MEF2C: variants seen among roughly 807,000 people sequenced by gnomAD.
MEF2C encodes the protein myocyte-specific enhancer factor 2C.
A neutral mutation model predicts 50.5 loss-of-function variants in MEF2C; 6 were observed. The ratio of observed to expected loss-of-function variants is 0.12; its 90% CI spans 0.07 to 0.23. The LOEUF (loss-of-function observed/expected upper bound fraction) is 0.23, where lower values mean the gene tolerates loss of function less well. MEF2C is among the 10% of genes least tolerant of loss of function. The pLI, the probability that MEF2C is intolerant of heterozygous loss-of-function variation, is 1.00. For missense variants in MEF2C, 276 were observed against 605.0 expected, an observed-to-expected ratio of 0.46 and a Z score of 5.70; for synonymous variants, 183 against 228.0, an observed-to-expected ratio of 0.80 and a Z score of 1.78.
intron 6 of MEF2C, chr5:88,737,571 T>C (rs1223663987): frequency 7.1e-6 from 7 of 985,282 alleles, no homozygotes; most frequent in African/African-American, 1.7e-5. Flanking sequence ...ACAGAACTTT[T>C]CACCAAAAGA....
chr5:88,897,865 T>C (rs1835274375), intron 1 of MEF2C, among the ~76,000 whole-genome samples: 1 of 152,152 alleles, frequency 6.6e-6, no homozygotes, highest in Non-Finnish European at 1.5e-5. Context: ...CTTGTGAGGA[T>C]GTTAACAGTC....
intron 1 of MEF2C, among the ~76,000 whole-genome samples, chr5:88,881,732 T>G (rs1050981243): frequency 6.6e-6 from 1 of 151,778 alleles, no homozygotes; most frequent in African/African-American, 2.4e-5. Context: ...GTCGCTTTTT[T>G]TTTTTTTGGA....
At chr5:88,852,403 G>T (rs1821701153) in intron 1 of MEF2C, among the ~76,000 whole-genome samples, 1 of 152,178 alleles carries the variant, frequency 6.6e-6, no homozygotes, top group Admixed American at 6.5e-5. Context: ...GCCCAAAAAA[G>T]ACCATTCAGA....
At chr5:88,811,107 T>C (rs1490792012) in intron 2 of MEF2C, among the ~76,000 whole-genome samples, 1 of 152,080 alleles carries the variant, frequency 6.6e-6, no homozygotes, top group Admixed American at 6.5e-5. Flanking sequence ...TATTCAGTTC[T>C]GAGGGTGACA....
At position 88,761,110 on chromosome 5, in the gene MEF2C, C is replaced by A. The variant is rs997329230; in HGVS notation, c.402+75G>T. The A allele has an allele frequency of 7.4e-6, 12 of 1,613,808 alleles. No homozygotes were observed. The highest frequency in any genetic ancestry group is 1.7e-5 in the Admixed American group (1 of 59,994). On this transcript the variant is annotated intron_variant, in intron 4 of 10. Transcript: ENST00000504921. The stretch of plus-strand genomic sequence containing the variant: ...TCGGGGCTTTCACAGCCTTTGTTTT[C>A]TTTCTTGTTCAATGCCTGCCAGGTT...
intron 1 of MEF2C, among the ~76,000 whole-genome samples, chr5:88,865,437 C>T (rs758779304): frequency 3.3e-5 from 5 of 152,078 alleles, no homozygotes; most frequent in African/African-American, 4.8e-5. Flanking sequence ...TTAGCTACAT[C>T]GCAATCTTCT....
At chr5:88,885,273 G>C (rs144606386), upstream of MEF2C, among the ~76,000 whole-genome samples, 365 of 152,224 alleles carry the variant, frequency 2.4e-3, 1 homozygote, top group African/African-American at 8.4e-3. Context: ...CAGAAGAGTG[G>C]CCTCAACATT....
intron 2 of MEF2C, among the ~76,000 whole-genome samples, chr5:88,820,703 G>A (rs1452998372): frequency 2.0e-5 from 3 of 151,978 alleles, no homozygotes; most frequent in African/African-American, 7.2e-5. Flanking sequence ...AGAGGGCAAA[G>A]CATTTTTCTT....
At chr5:88,753,688 G>GCCCAAT (rs1773912303) in intron 4 of MEF2C, among the ~76,000 whole-genome samples, 1 of 152,150 alleles carries the variant, frequency 6.6e-6, no homozygotes, top group South Asian at 2.1e-4. Flanking sequence ...ACCACATCTG[G>GCCCAAT]CCCAATCTGT....
chr5:88,749,376 C>T, intron 5 of MEF2C: 4 of 984,954 alleles, frequency 4.1e-6, no homozygotes, highest in Non-Finnish European at 4.8e-6. Flanking sequence ...TTGGTCTCTG[C>T]ATTTTTATTA....
chr5:88,799,899 CACACACACACACACAG>C (rs1482503615), intron 3 of MEF2C, among the ~76,000 whole-genome samples: 2 of 94,044 alleles, frequency 2.1e-5, no homozygotes, highest in Admixed American at 9.4e-5. Flanking sequence ...CACACACACA[CACACACACACACACAG>C]AGAGAGAGAC....
intron 6 of MEF2C, chr5:88,733,203 T>C (rs1762429227): frequency 1.0e-6 from 1 of 984,976 alleles, no homozygotes; most frequent in South Asian, 4.7e-5. Flanking sequence ...AGAAAGGCCA[T>C]AGGAAGATAT....
intron 1 of MEF2C, among the ~76,000 whole-genome samples, chr5:88,900,065 C>A (rs1835488209): frequency 6.6e-6 from 1 of 151,880 alleles, no homozygotes; most frequent in South Asian, 2.1e-4. Context: ...TTCCAAAGCC[C>A]AGGACTAAAA....
At chr5:88,806,789 C>A (rs545049662) in intron 2 of MEF2C, among the ~76,000 whole-genome samples, 1 of 149,710 alleles carries the variant, frequency 6.7e-6, no homozygotes, top group South Asian at 2.1e-4. Flanking sequence ...ATAAAAAATA[C>A]AAAACTGTTT....
intron 3 of MEF2C, among the ~76,000 whole-genome samples, chr5:88,764,455 CAGACT>C (rs1779103110): frequency 6.6e-6 from 1 of 152,092 alleles, no homozygotes; most frequent in Non-Finnish European, 1.5e-5. Flanking sequence ...GTGATGAGTG[CAGACT>C]AGATCTCTCT....
chr5:88,776,647 G>A (rs1001778700), intron 3 of MEF2C, among the ~76,000 whole-genome samples: 1 of 152,194 alleles, frequency 6.6e-6, no homozygotes, highest in Admixed American at 6.5e-5. Flanking sequence ...AGGAAAGAAA[G>A]GGAGGGAGGG....
At chr5:88,741,015 C>G in intron 6 of MEF2C, 1 of 985,364 alleles carries the variant, frequency 1.0e-6, no homozygotes, top group Middle Eastern at 5.2e-4. Flanking sequence ...ACAACTGCTG[C>G]GAACACATCA....
At chr5:88,746,410 C>T (rs1279757728) in intron 6 of MEF2C, 4 of 594,596 alleles carry the variant, frequency 6.7e-6, no homozygotes, top group East Asian at 2.9e-4. Context: ...CAATTTACTT[C>T]CTTGCCTCAT....
intron 3 of MEF2C, chr5:88,766,649 C>T: frequency 1.0e-6 from 1 of 985,298 alleles, no homozygotes; most frequent in Non-Finnish European, 1.2e-6. Flanking sequence ...TGTGCCTGCC[C>T]ATTCTACATG....
Sources: allele counts gnomAD v4.1 joint callset (sites outside exome capture counted in the v4.1 genomes callset), GRCh38; gene constraint gnomAD v4.1.1; transcripts MANE v1.5; gene names NCBI Gene and HGNC (gene_info 2026-07-23, HGNC 2026-07-21).